Variants in DAPK2 observed in about 807,000 individuals in gnomAD.
The protein encoded by DAPK2 is death associated protein kinase 2.
DAPK2 carries 35 observed loss-of-function variants against 44.1 expected under a neutral mutation model. That is an observed-to-expected ratio of 0.79 (90% CI 0.61 to 1.05). The LOEUF (loss-of-function observed/expected upper bound fraction) is 1.05, where lower values mean the gene tolerates loss of function less well. Ranked by LOEUF, DAPK2 falls within the 50% of genes least tolerant of loss-of-function variation. The pLI is 0.00. For missense variants in DAPK2, 453 were observed against 483.2 expected, an observed-to-expected ratio of 0.94 and a Z score of 0.59; for synonymous variants, 174 against 182.6, an observed-to-expected ratio of 0.95 and a Z score of 0.38.
At chr15:63,992,095 G>C (rs1189418497) in intron 1 of DAPK2, among the ~76,000 whole-genome samples, 1 of 152,040 alleles carries the variant, frequency 6.6e-6, no homozygotes. Context: ...GCCAAGCTGG[G>C]CTAAAGTATG....
intron 3 of DAPK2, among the ~76,000 whole-genome samples, chr15:63,954,961 G>A (rs2077684096): frequency 2.6e-5 from 4 of 152,122 alleles, no homozygotes; most frequent in Admixed American, 2.6e-4. Context: ...ATAGTTCGCT[G>A]TTGGCATATA....
chr15:63,996,155 C>A (rs2140937026), intron 1 of DAPK2, among the ~76,000 whole-genome samples: 1 of 152,284 alleles, frequency 6.6e-6, no homozygotes, highest in Admixed American at 6.5e-5. Context: ...CAGGCACAGC[C>A]AGATGCAGTG....
intron 3 of DAPK2, among the ~76,000 whole-genome samples, chr15:63,940,739 A>G (rs938386610): frequency 5.3e-5 from 8 of 152,096 alleles, no homozygotes; most frequent in African/African-American, 1.4e-4. Context: ...ATAAATAAAT[A>G]AAATGAAATA....
intron 1 of DAPK2, among the ~76,000 whole-genome samples, chr15:64,035,711 T>G (rs2080161195): frequency 6.6e-6 from 1 of 152,246 alleles, no homozygotes; most frequent in Non-Finnish European, 1.5e-5. Context: ...CAAACATTTC[T>G]GCAAGCCAAT....
intron 3 of DAPK2, among the ~76,000 whole-genome samples, chr15:63,965,988 C>T (rs1567237496): frequency 1.3e-5 from 2 of 152,192 alleles, no homozygotes; most frequent in African/African-American, 2.4e-5. Context: ...GACAAAGTCC[C>T]CTTTATCATT....
At chr15:63,959,642 T>C (rs2077829106) in intron 3 of DAPK2, among the ~76,000 whole-genome samples, 1 of 152,244 alleles carries the variant, frequency 6.6e-6, no homozygotes, top group Non-Finnish European at 1.5e-5. Context: ...GTTCTGTTTA[T>C]ATGATGGATT....
At chr15:64,011,360 G>C (rs1049606058) in intron 1 of DAPK2, among the ~76,000 whole-genome samples, 1 of 152,150 alleles carries the variant, frequency 6.6e-6, no homozygotes, top group Admixed American at 6.5e-5. Context: ...AGGAGTTCCA[G>C]ACCAGCCTGG....
rs2078067012 is a variant in DAPK2, at chr15:63,966,845, C to T, written c.453+4578G>A. 6.6e-6 allele frequency among the ~76,000 whole-genome samples: 1 copy of T among 152,156 alleles called. No individual in the cohort carries two copies. Among genetic ancestry groups the T allele is most frequent in the Non-Finnish European group, 1.5e-5 (1 of 68,022 alleles). The stretch of plus-strand genomic sequence containing the variant: ...GTATAGGTGATTCAAGACTGTCTTT[C>T]CTACCCTCTTCAGTGCCTCTTTCTG... On this transcript the variant is annotated intron_variant, in intron 3 of 10. Coordinates refer to ENST00000261891, the Ensembl canonical transcript of DAPK2. The surrounding 1 kb of genome is among the most constrained non-coding windows in gnomAD (Gnocchi z 5.5).
At chr15:63,984,194 G>T (rs1017070340) in intron 1 of DAPK2, among the ~76,000 whole-genome samples, 4 of 152,260 alleles carry the variant, frequency 2.6e-5, no homozygotes, top group African/African-American at 9.6e-5. Flanking sequence ...CATAGTGGGG[G>T]AGCATCACAG....
chr15:63,913,943 G>C (rs2078860312), intron 8 of DAPK2, among the ~76,000 whole-genome samples: 1 of 152,228 alleles, frequency 6.6e-6, no homozygotes, highest in Non-Finnish European at 1.5e-5. Flanking sequence ...AATGACTGGA[G>C]GGCACAGACT....
exon 11 of DAPK2, chr15:63,907,711 A>AG (rs1174126742): frequency 6.6e-6 from 1 of 151,924 alleles, no homozygotes; most frequent in Non-Finnish European, 1.5e-5. Context: ...GTGAGCCACC[A>AG]CTCCCAGTCT....
upstream of DAPK2, among the ~76,000 whole-genome samples, chr15:64,044,292 T>C (rs920763564): frequency 8.5e-5 from 13 of 152,278 alleles, no homozygotes; most frequent in Non-Finnish European, 1.3e-4. Flanking sequence ...ACAACTCTAA[T>C]ACCAGGCAAC....
intron 6 of DAPK2, among the ~76,000 whole-genome samples, chr15:63,926,395 A>G (rs1216471056): frequency 6.6e-6 from 1 of 152,150 alleles, no homozygotes; most frequent in African/African-American, 2.4e-5. Flanking sequence ...CAAGCAGAAT[A>G]TAATGGAAGG....
chr15:64,009,985 G>C (rs2079345457), intron 1 of DAPK2, among the ~76,000 whole-genome samples: 1 of 152,200 alleles, frequency 6.6e-6, no homozygotes, highest in Non-Finnish European at 1.5e-5. Context: ...CTGTGGGTAA[G>C]AGGGTTTGTC....
intron 1 of DAPK2, among the ~76,000 whole-genome samples, chr15:64,005,214 A>G (rs1389059045): frequency 6.6e-6 from 1 of 152,066 alleles, no homozygotes. Context: ...GTCTCAGGGA[A>G]GCCAAGAGGC....
chr15:64,035,815 A>G (rs1391396978), intron 1 of DAPK2, among the ~76,000 whole-genome samples: 2 of 152,208 alleles, frequency 1.3e-5, no homozygotes, highest in Non-Finnish European at 1.5e-5. Context: ...GCCTGCACTC[A>G]GCGCTGGAAG....
intron 1 of DAPK2, among the ~76,000 whole-genome samples, chr15:64,031,252 A>G (rs2080006916): frequency 6.8e-6 from 1 of 146,488 alleles, no homozygotes; most frequent in African/African-American, 2.5e-5. Flanking sequence ...TTTTTTTTTG[A>G]GACAGGGTCT....
At chr15:64,038,436 G>A (rs1268729075) in intron 1 of DAPK2, among the ~76,000 whole-genome samples, 4 of 152,158 alleles carry the variant, frequency 2.6e-5, no homozygotes, top group African/African-American at 4.8e-5. Flanking sequence ...ACAGAGAACC[G>A]GCTTCCCATT....
At position 63,956,779 on chromosome 15, in the gene DAPK2, G is replaced by A. The variant is rs138477819; in HGVS notation, c.453+14644C>T. Among the ~76,000 whole-genome samples the A allele has an allele frequency of 8.2e-4, 124 of 152,092 alleles. 1 individual carries two copies. In the East Asian group the frequency reaches 0.023, roughly 28 times the overall value. ...TTTTTTTGTATTTTTAGTAGAGATG[G>A]GGTTTCACCATGTTAGCCAGAACGG... On this transcript the variant is annotated intron_variant, in intron 3 of 10. Coordinates refer to ENST00000261891, the Ensembl canonical transcript of DAPK2.
Sources: gnomAD v4.1 joint callset for allele counts (sites outside exome capture counted in the v4.1 genomes callset) on GRCh38, gnomAD v4.1.1 for gene constraint, Gnocchi (gnomAD v3.1) non-coding constraint, MANE v1.5 for transcripts, NCBI Gene and HGNC (gene_info 2026-07-23, HGNC 2026-07-21) for gene names.